Variants in STXBP4 observed in about 807,000 individuals in gnomAD.
The protein encoded by STXBP4 is syntaxin-binding protein 4.
A neutral mutation model predicts 76.1 loss-of-function variants in STXBP4; 55 were observed. The ratio of observed to expected loss-of-function variants is 0.72; its 90% CI spans 0.58 to 0.91. The LOEUF is 0.91. Ranked by LOEUF, STXBP4 falls within the 40% of genes least tolerant of loss-of-function variation. The pLI, the probability that STXBP4 is intolerant of heterozygous loss-of-function variation, is 0.00. For synonymous variants in STXBP4, 201 were observed against 220.2 expected, an observed-to-expected ratio of 0.91 and a Z score of 0.77; for missense variants, 618 against 636.9, an observed-to-expected ratio of 0.97 and a Z score of 0.32.
intron 16 of STXBP4, among the ~76,000 whole-genome samples, chr17:55,099,518 C>A (rs1382364189): frequency 1.3e-5 from 2 of 152,078 alleles, no homozygotes; most frequent in Non-Finnish European, 1.5e-5. Flanking sequence ...TAACATAATG[C>A]TAAGTATTTG....
chr17:54,974,892 A>G (rs2077449679), intron 1 of STXBP4, among the ~76,000 whole-genome samples: 1 of 152,326 alleles, frequency 6.6e-6, no homozygotes, highest in Non-Finnish European at 1.5e-5. Flanking sequence ...GGGACAGTTT[A>G]TGCAGAAATT....
intron 16 of STXBP4, among the ~76,000 whole-genome samples, chr17:55,132,929 C>T (rs2079988414): frequency 6.6e-6 from 1 of 152,174 alleles, no homozygotes; most frequent in Non-Finnish European, 1.5e-5. Context: ...CAGGAACATA[C>T]TTGTTATGTT....
At chr17:55,104,700 T>A (rs965232868) in intron 16 of STXBP4, among the ~76,000 whole-genome samples, 3 of 152,160 alleles carry the variant, frequency 2.0e-5, no homozygotes, top group Admixed American at 2.0e-4. Flanking sequence ...TCAGAAGGAA[T>A]GGTACCAGCT....
the STXBP4 span, among the ~76,000 whole-genome samples, chr17:55,190,609 CATAA>C: frequency 3.9e-5 from 6 of 152,200 alleles, no homozygotes; most frequent in South Asian, 8.3e-4. Flanking sequence ...CAAATAATAT[CATAA>C]ATAAAGGGTT....
intron 8 of STXBP4, among the ~76,000 whole-genome samples, chr17:55,029,349 T>A (rs987696392): frequency 9.2e-5 from 14 of 152,022 alleles, no homozygotes; most frequent in Non-Finnish European, 2.1e-4. Flanking sequence ...CCAGGAAGAA[T>A]ACTTAGGATA....
chr17:55,131,199 A>G (rs1041010376), intron 16 of STXBP4, among the ~76,000 whole-genome samples: 3 of 152,174 alleles, frequency 2.0e-5, no homozygotes, highest in African/African-American at 7.2e-5. Flanking sequence ...CTTTTTGATA[A>G]TAGCCATTCT....
At chr17:55,207,813 CAT>C in the STXBP4 span, among the ~76,000 whole-genome samples, 1 of 152,184 alleles carries the variant, frequency 6.6e-6, no homozygotes, top group Non-Finnish European at 1.5e-5. Flanking sequence ...TGTGCAAACA[CAT>C]GTAGTTTGTT....
intron 7 of STXBP4, among the ~76,000 whole-genome samples, chr17:55,005,970 T>A (rs1385558031): frequency 4.6e-5 from 7 of 152,142 alleles, no homozygotes; most frequent in Non-Finnish European, 1.0e-4. Context: ...TGTGTGTATA[T>A]ATATGCATAC....
Position 55,164,509 on chromosome 17 carries a change from G to A in STXBP4, c.*4598G>A, listed in dbSNP as rs559516981. 35 of 138,890 alleles carry A rather than the reference G, an allele frequency of 2.5e-4. No individual in the cohort carries two copies. Among genetic ancestry groups the A allele is most frequent in the Admixed American group, 1.7e-3 (22 of 12,850 alleles). The allele number at this position is 138,890 out of a possible 1,614,324, so 8.6% of individuals were successfully genotyped here. On this transcript the variant is annotated 3_prime_UTR_variant, in exon 18 of 18. Transcript: ENST00000376352. ...CCCAGGCGGGACTGCGGACTGCAGC[G>A]GCGCAATCTCGGCTCACTGCAAGCT...
intron 8 of STXBP4, among the ~76,000 whole-genome samples, chr17:55,019,341 G>C (rs2144616631): frequency 6.6e-6 from 1 of 151,986 alleles, no homozygotes; most frequent in South Asian, 2.1e-4. Context: ...TATTCTTTTA[G>C]TGATTTCCTT....
chr17:55,107,218 T>G (rs2079646357), intron 16 of STXBP4, among the ~76,000 whole-genome samples: 1 of 152,228 alleles, frequency 6.6e-6, no homozygotes, highest in African/African-American at 2.4e-5. Context: ...TTCTTCCGCT[T>G]TATCGATTTG....
chr17:55,141,603 T>C (rs917832291), intron 17 of STXBP4, among the ~76,000 whole-genome samples: 30 of 152,176 alleles, frequency 2.0e-4, no homozygotes, highest in African/African-American at 7.2e-4. Context: ...TGGAACAGGA[T>C]CATCATTTGA....
chr17:55,004,182 C>CA (rs1013198000), intron 7 of STXBP4, among the ~76,000 whole-genome samples: 1,640 of 122,812 alleles, frequency 0.013, 14 homozygotes, highest in African/African-American at 0.031. Flanking sequence ...GATGCCATCT[C>CA]AAAAAAAAAA....
At chr17:54,982,938 C>T (rs545229928) in intron 1 of STXBP4, among the ~76,000 whole-genome samples, 1 of 152,250 alleles carries the variant, frequency 6.6e-6, no homozygotes, top group African/African-American at 2.4e-5. Context: ...TAGAAACAAA[C>T]AGCTTGGGTT....
At chr17:55,069,086 T>C (rs543420162) in intron 12 of STXBP4, among the ~76,000 whole-genome samples, 186 of 150,304 alleles carry the variant, frequency 1.2e-3, no homozygotes, top group Non-Finnish European at 1.9e-3. Context: ...CATTATGTAA[T>C]CGTGAGGCAG....
intron 17 of STXBP4, among the ~76,000 whole-genome samples, chr17:55,146,313 G>C (rs2080152829): frequency 1.3e-5 from 2 of 152,070 alleles, no homozygotes; most frequent in Non-Finnish European, 2.9e-5. Context: ...CAATTTTAGA[G>C]CATCCTGAAT....
intron 9 of STXBP4, among the ~76,000 whole-genome samples, chr17:55,031,636 A>G (rs1256222490): frequency 6.6e-6 from 1 of 152,174 alleles, no homozygotes; most frequent in Admixed American, 6.5e-5. Context: ...ATAATATAGT[A>G]AATATTTTTA....
At chr17:54,981,543 A>T (rs1486864270) in intron 1 of STXBP4, among the ~76,000 whole-genome samples, 1 of 152,134 alleles carries the variant, frequency 6.6e-6, no homozygotes, top group Non-Finnish European at 1.5e-5. Context: ...TATGAGTTGG[A>T]TCTGTGCTTT....
rs1294891608 is a variant in STXBP4, at chr17:55,173,065, T to C, written c.*13154T>C. Reference sequence around the variant, plus strand: ...AACTGTGTCTCCTTCCCCAACCATGTATGTGATACATTCATTCTCTAGGAT... The same window carrying C: ...AACTGTGTCTCCTTCCCCAACCATGCATGTGATACATTCATTCTCTAGGAT... On this transcript the variant is annotated 3_prime_UTR_variant, in exon 18 of 18. Transcript: ENST00000376352. 6.6e-6 allele frequency: 1 copy of C among 152,244 alleles called. No homozygotes were observed. The highest frequency in any genetic ancestry group is 1.5e-5 in the Non-Finnish European group (1 of 68,050). The allele number at this position is 152,244 out of a possible 1,614,324, so 9.4% of individuals were successfully genotyped here.
Sources: allele counts gnomAD v4.1 joint callset (sites outside exome capture counted in the v4.1 genomes callset), GRCh38; gene constraint gnomAD v4.1.1; transcripts MANE v1.5; gene names NCBI Gene and HGNC (gene_info 2026-07-23, HGNC 2026-07-21).